KCNMB2: variants seen among roughly 807,000 people sequenced by gnomAD.
KCNMB2 encodes the protein calcium-activated potassium channel subunit beta-2.
A neutral mutation model predicts 24.5 loss-of-function variants in KCNMB2; 9 were observed. The observed-to-expected ratio is 0.37, with a 90% CI of 0.22 to 0.64. The LOEUF (loss-of-function observed/expected upper bound fraction) is 0.64. KCNMB2 is among the 30% of genes least tolerant of loss of function. The pLI is 0.63. For missense variants in KCNMB2, 226 were observed against 284.3 expected (o/e 0.79, Z 1.47); for synonymous variants, 109 against 104.4 (o/e 1.04, Z -0.27).
chr3:178,702,846 C>T (rs1239792358), intron 1 of KCNMB2, among the ~76,000 whole-genome samples: 1 of 152,156 alleles, frequency 6.6e-6, no homozygotes, highest in African/African-American at 2.4e-5. Context: ...CTGCCTGATA[C>T]AAAGTGAGTT....
At chr3:178,801,873 T>A (rs909665002) in intron 1 of KCNMB2, 3 of 152,216 alleles carry the variant, frequency 2.0e-5, no homozygotes, top group Non-Finnish European at 4.4e-5. Flanking sequence ...GACTCTTCCA[T>A]GGACTGCACT....
At chr3:178,682,012 C>T (rs1721287393) in intron 1 of KCNMB2, among the ~76,000 whole-genome samples, 1 of 152,236 alleles carries the variant, frequency 6.6e-6, no homozygotes, top group South Asian at 2.1e-4. Flanking sequence ...ACTGTTTGCA[C>T]TCATTTTTTC....
intron 1 of KCNMB2, among the ~76,000 whole-genome samples, chr3:178,729,042 G>A (rs1723056567): frequency 6.6e-6 from 1 of 152,066 alleles, no homozygotes. Flanking sequence ...TGTAAGATAA[G>A]CAAACAAAAG....
chr3:178,733,607 A>G (rs573837549), intron 1 of KCNMB2, among the ~76,000 whole-genome samples: 1 of 152,094 alleles, frequency 6.6e-6, no homozygotes, highest in Admixed American at 6.5e-5. Flanking sequence ...CAGCCTCCCT[A>G]GTAGCTGGGA....
intron 1 of KCNMB2, among the ~76,000 whole-genome samples, chr3:178,692,146 T>C (rs1721702741): frequency 6.6e-6 from 1 of 152,218 alleles, no homozygotes; most frequent in Non-Finnish European, 1.5e-5. Flanking sequence ...ATATTAGACC[T>C]TTGTCAGATG....
intron 1 of KCNMB2, among the ~76,000 whole-genome samples, chr3:178,625,131 C>G (rs1005365246): frequency 6.6e-6 from 1 of 151,862 alleles, no homozygotes; most frequent in Non-Finnish European, 1.5e-5. Context: ...TTCTTCCCCC[C>G]ATCACCCACC....
At chr3:178,584,026 T>G (rs1249246362) in intron 1 of KCNMB2, among the ~76,000 whole-genome samples, 2 of 152,196 alleles carry the variant, frequency 1.3e-5, no homozygotes, top group African/African-American at 4.8e-5. Flanking sequence ...GTTATTTTTG[T>G]CATGTTTTGT....
intron 1 of KCNMB2, among the ~76,000 whole-genome samples, chr3:178,640,190 C>T (rs1258873962): frequency 6.6e-6 from 1 of 152,132 alleles, no homozygotes; most frequent in Non-Finnish European, 1.5e-5. Flanking sequence ...TAACTGTATT[C>T]GTCCGTTTTC....
intron 2 of KCNMB2, among the ~76,000 whole-genome samples, chr3:178,816,961 T>A (rs1165021270): frequency 2.0e-5 from 3 of 152,142 alleles, no homozygotes; most frequent in Non-Finnish European, 4.4e-5. Context: ...AAATTTAATA[T>A]GCTAATTGGT....
At chr3:178,799,803 A>T (rs1463222727) in intron 1 of KCNMB2, among the ~76,000 whole-genome samples, 2 of 152,160 alleles carry the variant, frequency 1.3e-5, no homozygotes, top group African/African-American at 2.4e-5. Context: ...TAACCAAAAC[A>T]GCATGGCACT....
chr3:178,720,496 AG>A (rs1722764360), intron 1 of KCNMB2, among the ~76,000 whole-genome samples: 2 of 109,926 alleles, frequency 1.8e-5, no homozygotes, highest in African/African-American at 4.3e-5. Flanking sequence ...GTATATACCC[AG>A]TAACGGGATG....
intron 2 of KCNMB2, among the ~76,000 whole-genome samples, chr3:178,813,637 T>A (rs933526169): frequency 6.6e-6 from 1 of 152,220 alleles, no homozygotes; most frequent in Admixed American, 6.5e-5. Context: ...GGCAGGAACT[T>A]TCAGGATAAT....
chr3:178,565,408 T>C (rs1716481482), intron 1 of KCNMB2, among the ~76,000 whole-genome samples: 1 of 152,204 alleles, frequency 6.6e-6, no homozygotes, highest in African/African-American at 2.4e-5. Context: ...GACGTTACAC[T>C]GTCTAGAGTG....
At position 178,718,946 on chromosome 3, in the gene KCNMB2, AGTG is replaced by A. The variant is rs202089826; in HGVS notation, c.-67-88395_-67-88393del. Among the ~76,000 whole-genome samples the A allele has an allele frequency of 4.9e-3, 744 of 152,284 alleles. 4 individuals carry two copies. The highest frequency in any genetic ancestry group is 0.017 in the African/African-American group (702 of 41,570). ...TCACAGAAGCAGCCAGAAGACCCCA[AGTG>A]GCTATAAGATGGGGTTTAACACAAG... On this transcript the variant is annotated intron_variant, in intron 1 of 4. Coordinates refer to ENST00000452583, the MANE Select transcript of KCNMB2 (RefSeq NM_181361.3).
At chr3:178,680,162 T>G (rs1417987866) in intron 1 of KCNMB2, among the ~76,000 whole-genome samples, 4 of 152,184 alleles carry the variant, frequency 2.6e-5, no homozygotes, top group African/African-American at 9.7e-5. Context: ...TGAATGAGAC[T>G]GCACACGTCT....
chr3:178,631,861 T>A (rs1719333355), intron 1 of KCNMB2, among the ~76,000 whole-genome samples: 1 of 152,236 alleles, frequency 6.6e-6, no homozygotes, highest in Non-Finnish European at 1.5e-5. Flanking sequence ...GGTATAATAA[T>A]TAACCAGATG....
At chr3:178,582,360 G>A (rs1717245212) in intron 1 of KCNMB2, among the ~76,000 whole-genome samples, 2 of 152,148 alleles carry the variant, frequency 1.3e-5, no homozygotes, top group Admixed American at 1.3e-4. Context: ...AGGGCCTGTG[G>A]CGGGGTGGGA....
chr3:178,769,394 G>C (rs958078317), intron 1 of KCNMB2, among the ~76,000 whole-genome samples: 2 of 152,148 alleles, frequency 1.3e-5, no homozygotes, highest in African/African-American at 2.4e-5. Flanking sequence ...CCCTCTGCTG[G>C]GGTGGGGTAA....
intron 1 of KCNMB2, among the ~76,000 whole-genome samples, chr3:178,613,198 G>A (rs998149403): frequency 2.0e-5 from 3 of 152,140 alleles, no homozygotes; most frequent in African/African-American, 7.2e-5. Flanking sequence ...AAGAGTTCAC[G>A]ACCCACATGG....
Sources: allele counts gnomAD v4.1 joint callset (sites outside exome capture counted in the v4.1 genomes callset), GRCh38; gene constraint gnomAD v4.1.1; transcripts MANE v1.5; gene names NCBI Gene and HGNC (gene_info 2026-07-23, HGNC 2026-07-21).